SLC14A2: variants seen among roughly 807,000 people sequenced by gnomAD.
The protein encoded by SLC14A2 is urea transporter 2.
A neutral mutation model predicts 104.6 loss-of-function variants in SLC14A2; 91 were observed. That is an observed-to-expected ratio of 0.87 (90% CI 0.73 to 1.04). The LOEUF is 1.04. SLC14A2 is among the 50% of genes least tolerant of loss of function. SLC14A2 has a pLI of 0.00. For missense variants in SLC14A2, 1,189 were observed against 1,156.0 expected (o/e 1.03, Z -0.41); for synonymous variants, 476 against 466.4 (o/e 1.02, Z -0.27).
chr18:45,478,874 T>C (rs969650750), intron 1 of SLC14A2, among the ~76,000 whole-genome samples: 1 of 152,216 alleles, frequency 6.6e-6, no homozygotes, highest in Non-Finnish European at 1.5e-5. Context: ...AATAGAATTT[T>C]TAAGTGTTTT....
At chr18:45,312,362 C>T (rs2085087589) in intron 1 of SLC14A2, among the ~76,000 whole-genome samples, 1 of 150,916 alleles carries the variant, frequency 6.6e-6, no homozygotes, top group Admixed American at 6.6e-5. Flanking sequence ...TCTGATCCTT[C>T]TACAGGCTAC....
At chr18:45,342,602 T>C (rs2085407233) in intron 1 of SLC14A2, among the ~76,000 whole-genome samples, 3 of 152,198 alleles carry the variant, frequency 2.0e-5, no homozygotes, top group Admixed American at 2.0e-4. Context: ...ACCAGATGAA[T>C]GCAGGGAGCC....
intron 2 of SLC14A2, among the ~76,000 whole-genome samples, chr18:45,558,041 G>A (rs72904451): frequency 0.081 from 12,395 of 152,176 alleles, 673 homozygotes; most frequent in Non-Finnish European, 0.12. Context: ...CTGCCAAGCT[G>A]TCTGCCAGGT....
chr18:45,409,687 A>G (rs573165388), intron 1 of SLC14A2, among the ~76,000 whole-genome samples: 2 of 152,272 alleles, frequency 1.3e-5, no homozygotes, highest in South Asian at 4.2e-4. Context: ...CTTAGATGAA[A>G]ATGAAGAAGC....
At chr18:45,393,238 T>G (rs2085991523) in intron 1 of SLC14A2, among the ~76,000 whole-genome samples, 2 of 152,196 alleles carry the variant, frequency 1.3e-5, no homozygotes, top group Non-Finnish European at 2.9e-5. Context: ...ATAGGATATA[T>G]GTATATAAAA....
At chr18:45,639,942 G>A (rs756425692) in intron 7 of SLC14A2, 49 bp downstream of exon 7, 7 of 1,555,674 alleles carry the variant, frequency 4.5e-6, no homozygotes, top group East Asian at 4.6e-5. Flanking sequence ...TTCACTCAAG[G>A]TCACTTTTCC....
intron 2 of SLC14A2, among the ~76,000 whole-genome samples, chr18:45,584,152 G>A (rs911428323): frequency 3.3e-5 from 5 of 152,200 alleles, no homozygotes; most frequent in Non-Finnish European, 5.9e-5. Flanking sequence ...TAGAATCACA[G>A]AATCAGAGCC....
At chr18:45,330,711 G>A (rs550106927) in intron 1 of SLC14A2, among the ~76,000 whole-genome samples, 1 of 152,268 alleles carries the variant, frequency 6.6e-6, no homozygotes, top group East Asian at 1.9e-4. Flanking sequence ...CCCTTAACAC[G>A]CTGTCCCTCG....
At chr18:45,284,910 A>G (rs1195727489) in intron 1 of SLC14A2, among the ~76,000 whole-genome samples, 1 of 152,214 alleles carries the variant, frequency 6.6e-6, no homozygotes, top group Non-Finnish European at 1.5e-5. Context: ...GAAAGACTCA[A>G]ATATGGTGAT....
At chr18:45,358,734 A>C (rs1034060427) in intron 1 of SLC14A2, among the ~76,000 whole-genome samples, 4 of 152,100 alleles carry the variant, frequency 2.6e-5, no homozygotes, top group Non-Finnish European at 5.9e-5. Flanking sequence ...ACACTACTGC[A>C]CCCAGCTAAC....
chr18:45,581,034 G>A (rs973491112), intron 2 of SLC14A2, among the ~76,000 whole-genome samples: 5 of 152,178 alleles, frequency 3.3e-5, no homozygotes, highest in African/African-American at 1.2e-4. Flanking sequence ...AGAGAGGCAG[G>A]GAGACCAGGG....
chr18:45,567,809 G>T (rs1414455395), intron 2 of SLC14A2, among the ~76,000 whole-genome samples: 1 of 152,130 alleles, frequency 6.6e-6, no homozygotes, highest in Non-Finnish European at 1.5e-5. Flanking sequence ...CCTATAAAAT[G>T]ATGTTAAAAC....
At chr18:45,598,088 A>G (rs912921613) in intron 2 of SLC14A2, among the ~76,000 whole-genome samples, 1 of 152,174 alleles carries the variant, frequency 6.6e-6, no homozygotes, top group Non-Finnish European at 1.5e-5. Context: ...GGCAACCCAC[A>G]CATTCACACA....
At chr18:45,610,419 C>A (rs2044953286) in intron 2 of SLC14A2, among the ~76,000 whole-genome samples, 1 of 152,130 alleles carries the variant, frequency 6.6e-6, no homozygotes, top group Non-Finnish European at 1.5e-5. Context: ...CGGGTTACAC[C>A]AATTAAGTCA....
chr18:45,469,477 A>C (rs2087204945), intron 1 of SLC14A2, among the ~76,000 whole-genome samples: 1 of 152,290 alleles, frequency 6.6e-6, no homozygotes. Context: ...GTGGTTATAG[A>C]AGAAATGAAA....
intron 1 of SLC14A2, among the ~76,000 whole-genome samples, chr18:45,219,983 T>C (rs1213240968): frequency 6.6e-6 from 1 of 152,210 alleles, no homozygotes; most frequent in Non-Finnish European, 1.5e-5. Context: ...GTTAAGACTT[T>C]GAATCTTAGC....
Position 45,682,780 on chromosome 18 carries a change from C to A in SLC14A2, c.*261C>A, listed in dbSNP as rs539184551. ...TTTGTGGGGAACTTGCCCTCTTCTG[C>A]GAAATAAGCCTCATCCTTAAAGAGA... On this transcript the variant is annotated 3_prime_UTR_variant, in exon 20 of 20. Coordinates refer to ENST00000255226, the MANE Select transcript of SLC14A2 (RefSeq NM_007163.4). 2.4e-6 allele frequency: 1 copy of A among 417,810 alleles called. No homozygotes were observed. Among genetic ancestry groups the A allele is most frequent in the Middle Eastern group, 7.3e-4 (1 of 1,374 alleles). The allele number at this position is 417,810 out of a possible 1,614,324, so 25.9% of individuals were successfully genotyped here.
At chr18:45,638,355 G>A (rs1346289641) in intron 6 of SLC14A2, among the ~76,000 whole-genome samples, 2 of 152,160 alleles carry the variant, frequency 1.3e-5, no homozygotes, top group East Asian at 3.9e-4. Flanking sequence ...AGTGAGCAAA[G>A]TTTAAGAGCC....
At chr18:45,602,792 C>CT (rs2044811312) in intron 2 of SLC14A2, among the ~76,000 whole-genome samples, 1 of 152,234 alleles carries the variant, frequency 6.6e-6, no homozygotes, top group Non-Finnish European at 1.5e-5. Context: ...AAAGCAAACA[C>CT]TCCCCGCTGA....
Sources: gnomAD v4.1 joint callset for allele counts (sites outside exome capture counted in the v4.1 genomes callset) on GRCh38, gnomAD v4.1.1 for gene constraint, MANE v1.5 for transcripts, NCBI Gene and HGNC (gene_info 2026-07-23, HGNC 2026-07-21) for gene names.